The following RALGPS1 variants were observed in gnomAD, a reference collection of about 807,000 sequenced individuals.
The protein encoded by RALGPS1 is ras-specific guanine nucleotide-releasing factor RalGPS1.
A neutral mutation model predicts 78.8 loss-of-function variants in RALGPS1; 19 were observed. The observed-to-expected ratio is 0.24, with a 90% CI of 0.17 to 0.35. The LOEUF (loss-of-function observed/expected upper bound fraction) is 0.35. RALGPS1 is among the 10% of genes least tolerant of loss of function. The pLI, the probability that RALGPS1 is intolerant of heterozygous loss-of-function variation, is 1.00. For missense variants in RALGPS1, 454 were observed against 688.3 expected (o/e 0.66, Z 3.81); for synonymous variants, 228 against 256.3 (o/e 0.89, Z 1.06).
intron 4 of RALGPS1, among the ~76,000 whole-genome samples, chr9:127,000,298 C>T (rs145587490): frequency 3.3e-5 from 5 of 152,040 alleles, no homozygotes; most frequent in East Asian, 1.9e-4. Flanking sequence ...ATGATTTGAG[C>T]GCTTTCTTCA....
chr9:127,167,185 G>A (rs990083835), intron 9 of RALGPS1, among the ~76,000 whole-genome samples: 18 of 152,180 alleles, frequency 1.2e-4, no homozygotes, highest in Non-Finnish European at 1.2e-4. Context: ...CACAGCCTCC[G>A]TTTGGGAATG....
At chr9:127,141,513 G>A (rs2057771229) in intron 8 of RALGPS1, among the ~76,000 whole-genome samples, 2 of 149,854 alleles carry the variant, frequency 1.3e-5, no homozygotes, top group Admixed American at 1.3e-4. Flanking sequence ...AACCACGTGT[G>A]ATCTCAGGCC....
chr9:127,148,295 G>T (rs867122695), intron 8 of RALGPS1, among the ~76,000 whole-genome samples: 44 of 152,310 alleles, frequency 2.9e-4, no homozygotes, highest in African/African-American at 1.0e-3. Context: ...ACCCAGGTGG[G>T]GGCCAGTCGG....
chr9:126,960,096 G>A (rs1324448985), intron 1 of RALGPS1, among the ~76,000 whole-genome samples: 1 of 151,882 alleles, frequency 6.6e-6, no homozygotes, highest in African/African-American at 2.4e-5. Context: ...TGTACCAGGA[G>A]AGAACCTGGG....
At chr9:126,949,146 C>A (rs1028684078) in intron 1 of RALGPS1, among the ~76,000 whole-genome samples, 2 of 152,192 alleles carry the variant, frequency 1.3e-5, no homozygotes, top group Non-Finnish European at 2.9e-5. Flanking sequence ...ATGAACTCAT[C>A]ATTTTTTATG....
At chr9:127,152,867 G>C (rs774364650) in intron 8 of RALGPS1, among the ~76,000 whole-genome samples, 6 of 152,192 alleles carry the variant, frequency 3.9e-5, no homozygotes, top group Non-Finnish European at 5.9e-5. Flanking sequence ...ACATTATCCA[G>C]ATAATCTGCA....
At chr9:127,011,260 C>T (rs998649387) in intron 4 of RALGPS1, among the ~76,000 whole-genome samples, 4 of 152,098 alleles carry the variant, frequency 2.6e-5, no homozygotes, top group African/African-American at 4.8e-5. Flanking sequence ...TCACTGCAAC[C>T]TCTGGCTCCT....
Position 127,166,190 on chromosome 9 carries a change from A to G in RALGPS1, c.732A>G (p.Gln244=). ...TTCTTCGAATAATTGCTGATTTACA[A>G]GTTTCCTGCAGCTATGGTTAGTACC... ...NNILRIIADL[Q]VSCSYDHLTT... The change falls in exon 9 of 19, where the codon CAA becomes CAG. Residue 244 remains glutamine, a synonymous_variant. Transcript: ENST00000259351. 3 of 1,613,524 alleles carry G rather than the reference A, an allele frequency of 1.9e-6. No individual in the cohort carries two copies. The highest frequency in any genetic ancestry group is 1.1e-5 in the South Asian group (1 of 90,924).
At chr9:126,919,270 C>G (rs185251830) in intron 1 of RALGPS1, among the ~76,000 whole-genome samples, 190 of 152,220 alleles carry the variant, frequency 1.2e-3, no homozygotes, top group Admixed American at 1.9e-3. Context: ...ACCTCCACCC[C>G]CCACACCCCA....
chr9:127,177,088 G>A (rs2059922390), intron 11 of RALGPS1, among the ~76,000 whole-genome samples: 1 of 152,134 alleles, frequency 6.6e-6, no homozygotes, highest in Admixed American at 6.5e-5. Flanking sequence ...CACTGGGCCC[G>A]ACTCATTCCT....
At chr9:127,121,321 G>A (rs1299468477) in intron 8 of RALGPS1, among the ~76,000 whole-genome samples, 1 of 152,252 alleles carries the variant, frequency 6.6e-6, no homozygotes, top group African/African-American at 2.4e-5. Flanking sequence ...CTAGTAGGTA[G>A]AAGAGCTGGG....
chr9:127,109,332 C>T (rs1280464299), intron 8 of RALGPS1, among the ~76,000 whole-genome samples: 2 of 152,206 alleles, frequency 1.3e-5, no homozygotes, highest in Non-Finnish European at 2.9e-5. Flanking sequence ...CTGATTCAAC[C>T]CTGTATTCCC....
intron 12 of RALGPS1, among the ~76,000 whole-genome samples, chr9:127,196,121 G>A (rs1423637265): frequency 8.5e-5 from 13 of 152,242 alleles, no homozygotes; most frequent in Admixed American, 2.6e-4. Flanking sequence ...GTCTGGACCC[G>A]GTGCATGTGA....
chr9:127,175,570 G>C (rs1191981669), intron 11 of RALGPS1, among the ~76,000 whole-genome samples: 2 of 152,000 alleles, frequency 1.3e-5, no homozygotes, highest in African/African-American at 4.8e-5. Flanking sequence ...GGGGGGTCAA[G>C]GGGAACCCAA....
At chr9:127,196,400 G>A in intron 12 of RALGPS1, 74 bp from the exon 13 acceptor site, 2 of 1,524,470 alleles carry the variant, frequency 1.3e-6, no homozygotes, top group Admixed American at 1.9e-5. Context: ...ATCTGCTCCG[G>A]CCCCAGGCAG....
At chr9:127,067,396 G>C (rs1336377289) in intron 7 of RALGPS1, among the ~76,000 whole-genome samples, 2 of 152,308 alleles carry the variant, frequency 1.3e-5, no homozygotes, top group East Asian at 3.9e-4. Context: ...CACTGCTCCT[G>C]TGCAAGTGGG....
At chr9:126,954,364 C>G (rs1364453172) in intron 1 of RALGPS1, among the ~76,000 whole-genome samples, 1 of 152,238 alleles carries the variant, frequency 6.6e-6, no homozygotes, top group Non-Finnish European at 1.5e-5. Flanking sequence ...ATCCAAGCTG[C>G]TGCCATCTAT....
At chr9:127,139,389 A>C (rs533422658) in intron 8 of RALGPS1, among the ~76,000 whole-genome samples, 2 of 152,374 alleles carry the variant, frequency 1.3e-5, no homozygotes, top group East Asian at 3.9e-4. Context: ...CTTGTTCTGC[A>C]GTGGCACAAA....
intron 8 of RALGPS1, among the ~76,000 whole-genome samples, chr9:127,089,408 G>A (rs1286901107): frequency 6.6e-6 from 1 of 152,200 alleles, no homozygotes. Context: ...GAATAAAAAT[G>A]ACGCCTGCCG....
Sources: allele counts gnomAD v4.1 joint callset (sites outside exome capture counted in the v4.1 genomes callset), GRCh38; gene constraint gnomAD v4.1.1; transcripts MANE v1.5; gene names NCBI Gene and HGNC (gene_info 2026-07-23, HGNC 2026-07-21).